PKN2: variants seen among roughly 807,000 people sequenced by gnomAD.
PKN2 encodes the protein protein kinase N2, also known as serine/threonine-protein kinase N2.
Under a neutral mutation model 119.1 loss-of-function variants are expected in PKN2, and 38 were observed. The ratio of observed to expected loss-of-function variants is 0.32; its 90% CI spans 0.25 to 0.42. The LOEUF is 0.42. Ranked by LOEUF, PKN2 falls within the 10% of genes least tolerant of loss-of-function variation. PKN2 has a pLI of 1.00. For missense variants in PKN2, 850 were observed against 1,165.1 expected (o/e 0.73, Z 3.94); for synonymous variants, 390 against 384.9 (o/e 1.01, Z -0.15).
At chr1:88,729,967 C>T (rs1668071437) in intron 1 of PKN2, among the ~76,000 whole-genome samples, 1 of 151,994 alleles carries the variant, frequency 6.6e-6, no homozygotes, top group African/African-American at 2.4e-5. Flanking sequence ...AGAGCGAGAC[C>T]ATCCGGTTTA....
intron 8 of PKN2, among the ~76,000 whole-genome samples, chr1:88,787,674 A>G (rs786908): frequency 0.73 from 110,515 of 152,180 alleles, 41,486 homozygotes; most frequent in African/African-American, 0.93. Context: ...GATAACTGTT[A>G]TTTGTTCTTT....
chr1:88,685,339 T>G (rs1666047603), intron 1 of PKN2: 2 of 152,074 alleles, frequency 1.3e-5, no homozygotes, highest in Admixed American at 6.6e-5. Flanking sequence ...ATGCTGATGC[T>G]TTTCAGACTT....
At chr1:88,787,912 A>C (rs372529546) in intron 8 of PKN2, among the ~76,000 whole-genome samples, 24 of 152,262 alleles carry the variant, frequency 1.6e-4, no homozygotes, top group East Asian at 1.2e-3. Context: ...TACATAGTAT[A>C]TTTTACATTT....
chr1:88,741,438 T>C (rs1377062346), intron 2 of PKN2, 150 bp downstream of exon 2: 1 of 528,202 alleles, frequency 1.9e-6, no homozygotes, highest in South Asian at 3.1e-5. Flanking sequence ...CTTATTTATA[T>C]TCTGTTTAGA....
At chr1:88,740,845 G>T in intron 1 of PKN2, 143 bp from the exon 2 acceptor site, 1 of 501,638 alleles carries the variant, frequency 2.0e-6, no homozygotes, top group Non-Finnish European at 3.5e-6. Flanking sequence ...TAAGTAGTTG[G>T]TCTATTGCTT....
At chr1:88,757,731 A>G (rs1669262139) in intron 2 of PKN2, among the ~76,000 whole-genome samples, 1 of 152,106 alleles carries the variant, frequency 6.6e-6, no homozygotes, top group Non-Finnish European at 1.5e-5. Flanking sequence ...AAATATGAAG[A>G]ATTTTAGATT....
intron 2 of PKN2, among the ~76,000 whole-genome samples, chr1:88,757,515 T>G (rs912739923): frequency 1.3e-5 from 2 of 152,084 alleles, no homozygotes; most frequent in Non-Finnish European, 2.9e-5. Flanking sequence ...ATGAAATACA[T>G]TCATTAAAAT....
At chr1:88,745,305 G>A (rs1273147853) in intron 2 of PKN2, among the ~76,000 whole-genome samples, 1 of 152,080 alleles carries the variant, frequency 6.6e-6, no homozygotes, top group Non-Finnish European at 1.5e-5. Context: ...TATACAGATA[G>A]GAAAGGAAGA....
rs564511506 is a variant in PKN2, at chr1:88,831,588, G to A, written c.2563-1156G>A. The stretch of plus-strand genomic sequence containing the variant: ...TGTAAGCTTTGAAATTTTCTTAGCT[G>A]TGAGCAAGATTAGAAGCTCAGCCTT... On this transcript the variant is annotated intron_variant, in intron 19 of 21. Transcript: ENST00000370521. Among the ~76,000 whole-genome samples the A allele has an allele frequency of 7.2e-5, 11 of 152,084 alleles. No homozygotes were observed. The East Asian group carries it at 1.9e-3, about 27-fold the overall frequency.
chr1:88,744,578 C>T (rs1203140293), intron 2 of PKN2, among the ~76,000 whole-genome samples: 2 of 152,162 alleles, frequency 1.3e-5, no homozygotes, highest in African/African-American at 2.4e-5. Context: ...CATGCCACCA[C>T]AGCCAGCTGA....
chr1:88,779,240 G>A (rs1319874085), intron 6 of PKN2, among the ~76,000 whole-genome samples: 5 of 152,088 alleles, frequency 3.3e-5, no homozygotes, highest in Non-Finnish European at 5.9e-5. Flanking sequence ...AGAGCTCTCC[G>A]GAGTGTCCCT....
At chr1:88,768,981 T>C (rs1365414639) in intron 3 of PKN2, among the ~76,000 whole-genome samples, 2 of 149,252 alleles carry the variant, frequency 1.3e-5, no homozygotes, top group Non-Finnish European at 3.0e-5. Flanking sequence ...CCAGGCTCTT[T>C]TGAACAAACA....
chr1:88,763,446 A>G (rs960684963), intron 3 of PKN2, among the ~76,000 whole-genome samples: 9 of 152,136 alleles, frequency 5.9e-5, no homozygotes, highest in Non-Finnish European at 8.8e-5. Flanking sequence ...TGTCTCTACT[A>G]AAAATACAAA....
intron 2 of PKN2, among the ~76,000 whole-genome samples, chr1:88,751,839 A>G (rs1669012387): frequency 1.3e-5 from 2 of 152,080 alleles, no homozygotes; most frequent in African/African-American, 4.8e-5. Flanking sequence ...ATACAATTCT[A>G]AGTTGACATC....
intron 8 of PKN2, among the ~76,000 whole-genome samples, chr1:88,791,626 A>C (rs892585743): frequency 6.6e-6 from 1 of 152,164 alleles, no homozygotes; most frequent in African/African-American, 2.4e-5. Flanking sequence ...GATCTGTGTA[A>C]AATTTAAAGC....
intron 8 of PKN2, among the ~76,000 whole-genome samples, chr1:88,794,912 T>G (rs546170874): frequency 6.6e-6 from 1 of 152,320 alleles, no homozygotes; most frequent in East Asian, 1.9e-4. Flanking sequence ...CAATAGCAAA[T>G]AATTTCTATT....
At chr1:88,761,705 A>G (rs577557621) in intron 3 of PKN2, among the ~76,000 whole-genome samples, 1 of 151,870 alleles carries the variant, frequency 6.6e-6, no homozygotes, top group African/African-American at 2.4e-5. Context: ...AATTATGAAC[A>G]TTAGATTTTA....
chr1:88,800,514 C>T (rs116759457), intron 8 of PKN2, among the ~76,000 whole-genome samples: 3,063 of 152,194 alleles, frequency 0.02, 96 homozygotes, highest in African/African-American at 0.07. Context: ...GGGTTTATGA[C>T]ATCACCAGAA....
rs554689332 is a variant in PKN2 at position 88,771,425 on chromosome 1, A to C, written c.627A>C (p.Lys209Asn). ...AAATTTTTTTTTCCTTTCTAGCAAA[A>C]CCTGTGATAAGTCCTCTTGAACTTC... ...QTNELAFDNA[K>N]PVISPLELRM... The change falls in exon 5 of 22, where the codon AAA becomes AAC. Residue 209 changes from lysine (K) to asparagine (N), a missense_variant. Around this residue, in one of 9 missense-constraint regions of PKN2, gnomAD observed 350 missense variants for 511.1 expected, o/e 0.68. Transcript: ENST00000370521. 6.3e-7 allele frequency: 1 copy of C among 1,581,174 alleles called. No homozygotes were observed. Among genetic ancestry groups the C allele is most frequent in the South Asian group, 1.2e-5 (1 of 83,726 alleles).
Sources: gnomAD v4.1 joint callset for allele counts (sites outside exome capture counted in the v4.1 genomes callset) on GRCh38, gnomAD v4.1.1 for gene constraint, gnomAD v4.1.1 regional missense constraint, MANE v1.5 for transcripts, NCBI Gene and HGNC (gene_info 2026-07-23, HGNC 2026-07-21) for gene names.